Variants in LPP observed in about 807,000 individuals in gnomAD.
LPP encodes the protein LIM domain containing preferred translocation partner in lipoma, also known as lipoma-preferred partner.
LPP carries 38 observed loss-of-function variants against 60.4 expected under a neutral mutation model. The observed-to-expected ratio is 0.63, with a 90% CI of 0.49 to 0.83. The LOEUF (loss-of-function observed/expected upper bound fraction) is 0.83. LPP is among the 40% of genes least tolerant of loss of function. The pLI, the probability that LPP is intolerant of heterozygous loss-of-function variation, is 0.00. For synonymous variants in LPP, 328 were observed against 290.8 expected (o/e 1.13, Z -1.30); for missense variants, 902 against 783.6 (o/e 1.15, Z -1.80).
intron 6 of LPP, among the ~76,000 whole-genome samples, chr3:188,561,876 T>C (rs918480980): frequency 6.6e-6 from 1 of 151,986 alleles, no homozygotes; most frequent in African/African-American, 2.4e-5. Context: ...AAGAGGAAAC[T>C]GTTATGAGTA....
intron 9 of LPP, among the ~76,000 whole-genome samples, chr3:188,860,864 T>C (rs1765035980): frequency 6.6e-6 from 1 of 152,224 alleles, no homozygotes; most frequent in Non-Finnish European, 1.5e-5. Context: ...ATAGCAAGCC[T>C]GAATGTCTTC....
At chr3:188,803,527 C>CA (rs1190865726) in intron 9 of LPP, among the ~76,000 whole-genome samples, 1 of 152,116 alleles carries the variant, frequency 6.6e-6, no homozygotes, top group African/African-American at 2.4e-5. Context: ...TTTTTCCCCC[C>CA]ATAGGGATGT....
At chr3:188,601,462 C>T (rs367906575) in intron 6 of LPP, among the ~76,000 whole-genome samples, 6 of 152,118 alleles carry the variant, frequency 3.9e-5, no homozygotes, top group South Asian at 4.1e-4. Flanking sequence ...TAGAAACAAA[C>T]ATTAACTTCG....
At chr3:188,627,343 C>T (rs564838381) in intron 7 of LPP, among the ~76,000 whole-genome samples, 2 of 152,048 alleles carry the variant, frequency 1.3e-5, no homozygotes, top group Non-Finnish European at 2.9e-5. Context: ...TAAAGGACAC[C>T]GAGTGTCAAA....
At chr3:188,241,061 A>G (rs552917995) in intron 2 of LPP, among the ~76,000 whole-genome samples, 2 of 152,340 alleles carry the variant, frequency 1.3e-5, no homozygotes, top group South Asian at 2.1e-4. Flanking sequence ...ATGTCCCTAC[A>G]TGTGAAATGG....
chr3:188,701,516 C>T (rs577710757), intron 7 of LPP, among the ~76,000 whole-genome samples: 7 of 152,326 alleles, frequency 4.6e-5, no homozygotes, highest in African/African-American at 1.2e-4. Flanking sequence ...GCCTGGCCAG[C>T]GAGTGACTTA....
intron 5 of LPP, among the ~76,000 whole-genome samples, chr3:188,520,145 T>G (rs919582620): frequency 2.0e-5 from 3 of 152,216 alleles, no homozygotes; most frequent in African/African-American, 7.2e-5. Flanking sequence ...TGTGGTTTGG[T>G]GAGCTTTTTA....
chr3:188,193,887 A>T (rs1327044539), intron 1 of LPP, among the ~76,000 whole-genome samples: 1 of 152,154 alleles, frequency 6.6e-6, no homozygotes, highest in Non-Finnish European at 1.5e-5. Context: ...GTCAGTGGAT[A>T]GTTTTTAATT....
At chr3:188,546,925 G>C (rs1244789286) in intron 6 of LPP, among the ~76,000 whole-genome samples, 1 of 152,188 alleles carries the variant, frequency 6.6e-6, no homozygotes, top group Non-Finnish European at 1.5e-5. Context: ...TTACAATCAA[G>C]GGGAACACAG....
chr3:188,392,307 G>A (rs1212622098), intron 3 of LPP, among the ~76,000 whole-genome samples: 1 of 152,180 alleles, frequency 6.6e-6, no homozygotes, highest in African/African-American at 2.4e-5. Flanking sequence ...ATTCTAAACT[G>A]TTTTGGTTTC....
At chr3:188,715,362 G>C (rs2149789860) in intron 8 of LPP, among the ~76,000 whole-genome samples, 1 of 119,944 alleles carries the variant, frequency 8.3e-6, no homozygotes, top group African/African-American at 3.2e-5. Context: ...TGGTGACAGA[G>C]GGAGACTCCG....
At chr3:188,235,429 A>G (rs958694084) in intron 2 of LPP, among the ~76,000 whole-genome samples, 1 of 152,134 alleles carries the variant, frequency 6.6e-6, no homozygotes, top group Non-Finnish European at 1.5e-5. Flanking sequence ...GGTATTTTCT[A>G]TTTTAGGTAT....
rs6786610 is a variant in LPP, at chr3:188,817,148, A to G, written c.1411-49052A>G. Among the ~76,000 whole-genome samples, 1,250 of 152,336 alleles carry G rather than the reference A, an allele frequency of 8.2e-3. 15 individuals are homozygous for G. The highest frequency in any genetic ancestry group is 0.028 in the African/African-American group (1,181 of 41,574). ...AGAAGCCAACATGGTTATCAGAGCA[A>G]TTGGGTCTATTTCCTATCATCTCTT... On this transcript the variant is annotated intron_variant, in intron 9 of 11. Transcript: ENST00000617246.
chr3:188,287,571 A>T (rs1043783792), intron 2 of LPP, among the ~76,000 whole-genome samples: 2 of 152,176 alleles, frequency 1.3e-5, no homozygotes, highest in African/African-American at 4.8e-5. Flanking sequence ...TCAGACAGAC[A>T]GTTCTTACCT....
chr3:188,868,713 A>T (rs1767303716), intron 10 of LPP, among the ~76,000 whole-genome samples: 1 of 152,206 alleles, frequency 6.6e-6, no homozygotes, highest in Non-Finnish European at 1.5e-5. Context: ...AGACAAAGGG[A>T]TATTCCTCCT....
intron 7 of LPP, among the ~76,000 whole-genome samples, chr3:188,657,258 G>GTGTATATATATA (rs1553782707): frequency 1.4e-4 from 13 of 89,812 alleles, no homozygotes; most frequent in East Asian, 1.0e-3. Flanking sequence ...CTGTCAAGGT[G>GTGTATATATATA]TATATATATA....
chr3:188,269,697 C>T (rs1737000912), intron 2 of LPP, among the ~76,000 whole-genome samples: 1 of 148,226 alleles, frequency 6.7e-6, no homozygotes. Context: ...GTCTCCCAGG[C>T]TGGAGTGCAG....
intron 4 of LPP, among the ~76,000 whole-genome samples, chr3:188,457,682 G>A (rs1000556459): frequency 2.7e-5 from 4 of 150,932 alleles, no homozygotes; most frequent in African/African-American, 7.3e-5. Context: ...CACGAGGTCA[G>A]GAGATCGAGA....
intron 6 of LPP, among the ~76,000 whole-genome samples, chr3:188,546,832 C>A (rs1461803410): frequency 6.6e-6 from 1 of 152,134 alleles, no homozygotes; most frequent in Non-Finnish European, 1.5e-5. Context: ...TAGTTTGTAT[C>A]AGTTATTAAA....
Sources: gnomAD v4.1 joint callset for allele counts (sites outside exome capture counted in the v4.1 genomes callset) on GRCh38, gnomAD v4.1.1 for gene constraint, MANE v1.5 for transcripts, NCBI Gene and HGNC (gene_info 2026-07-23, HGNC 2026-07-21) for gene names.